NADK2: variants seen among roughly 807,000 people sequenced by gnomAD.
The protein encoded by NADK2 is NAD kinase 2, mitochondrial, also known as NAD kinase domain-containing protein 1, mitochondrial.
NADK2 carries 35 observed loss-of-function variants against 62.1 expected under a neutral mutation model. The ratio of observed to expected loss-of-function variants is 0.56; its 90% CI spans 0.43 to 0.75. The LOEUF is 0.75. Among genes scored for constraint, NADK2 ranks in the 30% least tolerant of loss-of-function variants. The pLI is 0.00. For missense variants in NADK2, 439 were observed against 561.3 expected (o/e 0.78, Z 2.20); for synonymous variants, 205 against 207.9 (o/e 0.99, Z 0.12).
At chr5:36,198,888 A>G (rs6451262) in intron 10 of NADK2, among the ~76,000 whole-genome samples, 137,982 of 151,762 alleles carry the variant, frequency 0.91, 63,725 homozygotes, top group Non-Finnish European at 0.98. Flanking sequence ...TTAGAGGCAA[A>G]CTGTCCCCCC....
At chr5:36,224,556 CA>C (rs756009943) in intron 4 of NADK2, among the ~76,000 whole-genome samples, 2,013 of 72,562 alleles carry the variant, frequency 0.028, 33 homozygotes, top group African/African-American at 0.072. Context: ...GACTCTGTCT[CA>C]AAAAAAAAAA....
At chr5:36,228,153 A>G (rs1747554505) in intron 1 of NADK2, among the ~76,000 whole-genome samples, 1 of 152,232 alleles carries the variant, frequency 6.6e-6, no homozygotes, top group Non-Finnish European at 1.5e-5. Context: ...CTTAGAAAGG[A>G]TAACTTATAT....
chr5:36,230,479 C>T (rs1345514151), intron 1 of NADK2, among the ~76,000 whole-genome samples: 3 of 152,138 alleles, frequency 2.0e-5, no homozygotes, highest in African/African-American at 4.8e-5. Context: ...TTAAAAAATC[C>T]CTTTGAATCT....
In NADK2 at chr5:36,219,491, G is replaced by A. The variant is rs113111014; in HGVS notation, c.644+105C>T. ...CTCCCAAAGTACTGGGATTACAGGC[G>A]TGAGATACCGTGCCCTGCCTGATTT... is the stretch of plus-strand genomic sequence containing the variant. On this transcript the variant is annotated intron_variant, in intron 5 of 11. Transcript: ENST00000381937. 260 of 964,556 alleles carry A rather than the reference G, an allele frequency of 2.7e-4. 2 individuals carry two copies. In the East Asian group the frequency reaches 3.1e-3, roughly 12 times the overall value. 59.7% of individuals were successfully genotyped at this position (964,556 alleles called of 1,614,324 possible).
intron 4 of NADK2, 57 bp from the exon 5 acceptor site, chr5:36,219,736 C>CA: frequency 7.4e-7 from 1 of 1,344,202 alleles, no homozygotes; most frequent in Non-Finnish European, 1.1e-6. Context: ...AAAGGTGAAG[C>CA]AAAAAAATTT....
At chr5:36,210,154 G>A (rs189178612) in intron 7 of NADK2, among the ~76,000 whole-genome samples, 16 of 152,264 alleles carry the variant, frequency 1.1e-4, no homozygotes, top group Non-Finnish European at 2.1e-4. Flanking sequence ...TAGCAGGAAA[G>A]TAGCAAATAA....
chr5:36,198,678 ATTTT>A, intron 10 of NADK2, among the ~76,000 whole-genome samples: 1 of 149,224 alleles, frequency 6.7e-6, no homozygotes, highest in East Asian at 1.9e-4. Context: ...TATATATATT[ATTTT>A]TTAAGTTGAA....
intron 4 of NADK2, among the ~76,000 whole-genome samples, chr5:36,222,642 T>C (rs1377271467): frequency 6.6e-6 from 1 of 152,184 alleles, no homozygotes; most frequent in Non-Finnish European, 1.5e-5. Flanking sequence ...AAGAAGTGGA[T>C]ATAATCAATT....
rs1748110842 is a variant in NADK2 at position 36,241,355 on chromosome 5, G to A, written c.300+144C>T. 4 of 1,327,930 alleles carry A rather than the reference G, an allele frequency of 3.0e-6. No individual in the cohort carries two copies. Among genetic ancestry groups the A allele is most frequent in the Non-Finnish European group, 3.9e-6 (4 of 1,036,720 alleles). The allele number at this position is 1,327,930 out of a possible 1,614,324, so 82.3% of individuals were successfully genotyped here. A position where few individuals can be genotyped will look rare whatever the true frequency, so the allele number is the denominator to read the frequency against. On this transcript the variant is annotated intron_variant, in intron 1 of 11. Coordinates refer to ENST00000381937, the MANE Select transcript of NADK2 (RefSeq NM_001085411.3). The surrounding 1 kb of genome is among the most constrained non-coding windows in gnomAD (Gnocchi z 4.9). ...AAAGGAGGCCCAGGGAGAAGCCAGA[G>A]GACCTGGGGGCCGCGAGAGAGGCAG...
chr5:36,224,568 A>AAAAG (rs1282484535), intron 4 of NADK2, among the ~76,000 whole-genome samples: 1 of 151,808 alleles, frequency 6.6e-6, no homozygotes, highest in Admixed American at 6.6e-5. Context: ...AAAAAAAAAA[A>AAAAG]AAAGAAAGAA....
At chr5:36,228,911 C>T (rs182755968) in intron 1 of NADK2, among the ~76,000 whole-genome samples, 58 of 152,150 alleles carry the variant, frequency 3.8e-4, no homozygotes, top group African/African-American at 1.3e-3. Context: ...AGGTGTGAGC[C>T]ATCACACCCA....
At chr5:36,203,870 G>A (rs560504722) in intron 8 of NADK2, among the ~76,000 whole-genome samples, 1 of 152,228 alleles carries the variant, frequency 6.6e-6, no homozygotes, top group Admixed American at 6.6e-5. Flanking sequence ...GTACAACGTA[G>A]TGACTTTTCT....
At position 36,194,442 on chromosome 5, in the gene NADK2, G is replaced by C. The variant is rs1429889535; in HGVS notation, c.*702C>G. The C allele has an allele frequency of 2.0e-5, 3 of 152,002 alleles. No individual in the cohort carries two copies. The highest frequency in any genetic ancestry group is 4.4e-5 in the Non-Finnish European group (3 of 68,000). The allele number at this position is 152,002 out of a possible 1,614,324, so 9.4% of individuals were successfully genotyped here. A position where few individuals can be genotyped will look rare whatever the true frequency, so the allele number is the denominator to read the frequency against. On this transcript the variant is annotated 3_prime_UTR_variant, in exon 12 of 12. Transcript: ENST00000381937. ...AAAAAATTGACTTAAAACACTTATT[G>C]GATAACTAATACATTTGTAACAGCA...
chr5:36,233,967 A>G (rs967243947), intron 1 of NADK2, among the ~76,000 whole-genome samples: 1 of 152,246 alleles, frequency 6.6e-6, no homozygotes, highest in African/African-American at 2.4e-5. Flanking sequence ...TCAGGAACCC[A>G]CTAAATGCTT....
chr5:36,234,224 T>C (rs1250169535), intron 1 of NADK2, among the ~76,000 whole-genome samples: 3 of 151,108 alleles, frequency 2.0e-5, no homozygotes, highest in Non-Finnish European at 3.0e-5. Flanking sequence ...AATACAAAAA[T>C]TAGCCGGGCA....
At chr5:36,238,723 G>A (rs1747998571) in intron 1 of NADK2, among the ~76,000 whole-genome samples, 2 of 152,282 alleles carry the variant, frequency 1.3e-5, no homozygotes, top group South Asian at 4.1e-4. Context: ...AAGGTCATGA[G>A]ACAGTAGAGG....
intron 8 of NADK2, among the ~76,000 whole-genome samples, chr5:36,201,481 A>G (rs1339422696): frequency 1.3e-5 from 2 of 152,088 alleles, no homozygotes; most frequent in Non-Finnish European, 2.9e-5. Flanking sequence ...CAAAAATATT[A>G]GCTGAAATGC....
At chr5:36,234,456 A>C (rs1376530964) in intron 1 of NADK2, among the ~76,000 whole-genome samples, 1 of 151,998 alleles carries the variant, frequency 6.6e-6, no homozygotes. Flanking sequence ...AGAGAAGCAA[A>C]TTTCTAAAGA....
At chr5:36,217,716 C>T (rs1747097794) in intron 6 of NADK2, 32 bp downstream of exon 6, 1 of 1,612,696 alleles carries the variant, frequency 6.2e-7, no homozygotes, top group Non-Finnish European at 8.5e-7. Context: ...TTAAATATTT[C>T]CCCAAACACA....
Sources: gnomAD v4.1 joint callset for allele counts (sites outside exome capture counted in the v4.1 genomes callset) on GRCh38, gnomAD v4.1.1 for gene constraint, Gnocchi (gnomAD v3.1) non-coding constraint, MANE v1.5 for transcripts, NCBI Gene and HGNC (gene_info 2026-07-23, HGNC 2026-07-21) for gene names.